Variants in NID1 observed in about 807,000 individuals in gnomAD.
NID1 encodes nidogen-1.
Under a neutral mutation model 130.6 loss-of-function variants are expected in NID1, and 76 were observed. The ratio of observed to expected loss-of-function variants is 0.58; its 90% confidence interval spans 0.48 to 0.70. NID1 has a LOEUF of 0.70. Among genes scored for constraint, NID1 ranks in the 30% least tolerant of loss-of-function variants. The probability of loss-of-function intolerance (pLI) is 0.00; values close to 1 mark genes in which losing one functional copy is unlikely to be tolerated. For missense variants in NID1, 1,517 were observed against 1,664.8 expected (o/e 0.91, Z 1.54); for synonymous variants, 665 against 675.1 (o/e 0.98, Z 0.23).
At chr1:236,013,342 C>T (rs1658486921) in intron 11 of NID1, 69 bp downstream of exon 11, 1 of 1,551,692 alleles carries the variant, frequency 6.4e-7, no homozygotes. Flanking sequence ...TGGTGATTGG[C>T]ACATGACAGG....
At chr1:235,990,863 A>C in intron 14 of NID1, 23 bp downstream of exon 14, 1 of 1,613,194 alleles carries the variant, frequency 6.2e-7, no homozygotes, top group Non-Finnish European at 8.5e-7. Context: ...AGCTGTCACC[A>C]GGTATAATCA....
At chr1:236,015,809 G>A (rs563829834) in intron 10 of NID1, among the ~76,000 whole-genome samples, 5 of 152,068 alleles carry the variant, frequency 3.3e-5, no homozygotes, top group South Asian at 2.1e-4. Flanking sequence ...TTTTACAGAC[G>A]AGGAACTGAG....
chr1:236,048,053 G>T (rs1487214174), intron 2 of NID1, among the ~76,000 whole-genome samples: 14 of 130,422 alleles, frequency 1.1e-4, no homozygotes, highest in African/African-American at 3.9e-4. Flanking sequence ...AAAAAAAAAG[G>T]CCGGGCATGG....
chr1:236,034,551 T>C (rs1241652469), intron 5 of NID1, among the ~76,000 whole-genome samples: 1 of 152,122 alleles, frequency 6.6e-6, no homozygotes, highest in African/African-American at 2.4e-5. Context: ...AGGTCATGTA[T>C]TGTACGATTC....
chr1:236,050,174 G>A (rs1029470072), intron 1 of NID1, among the ~76,000 whole-genome samples: 6 of 152,166 alleles, frequency 3.9e-5, no homozygotes, highest in South Asian at 2.1e-4. Context: ...CACGGAGTCC[G>A]ACTCCAAAAT....
chr1:236,004,781 A>AAAG (rs1382595520), intron 12 of NID1, among the ~76,000 whole-genome samples: 1 of 151,010 alleles, frequency 6.6e-6, no homozygotes, highest in Non-Finnish European at 1.5e-5. Flanking sequence ...AAAAAAAAAA[A>AAAG]AGTTAAAAAC....
chr1:236,045,763 A>T, intron 2 of NID1, 80 bp from the exon 3 acceptor site: 1 of 1,143,378 alleles, frequency 8.7e-7, no homozygotes, highest in Non-Finnish European at 1.3e-6. Context: ...GACTATCTAT[A>T]AAGCGTACAG....
At chr1:235,994,709 T>TG (rs1236097697) in intron 12 of NID1, among the ~76,000 whole-genome samples, 4 of 151,782 alleles carry the variant, frequency 2.6e-5, no homozygotes, top group Admixed American at 2.6e-4. Flanking sequence ...TCTTTTTTTT[T>TG]TTTTTGAGAC....
At chr1:236,042,318 A>G (rs762015014) in intron 3 of NID1, 26 bp from the exon 4 acceptor site, 4 of 1,586,792 alleles carry the variant, frequency 2.5e-6, no homozygotes, top group Non-Finnish European at 3.4e-6. Flanking sequence ...GGCTTCTTAG[A>G]AACAGGCCAG....
Position 236,017,263 on chromosome 1 carries a change from T to G in NID1, c.2139A>C (p.Glu713Asp), listed in dbSNP as rs370422402. Residue 713 changes from glutamate (E) to aspartate (D), a missense_variant, in exon 10 of 20, where the codon GAA becomes GAC. This residue lies in a region of NID1 where 1,329 missense variants were observed against 1,429.2 expected (regional missense o/e 0.93). Coordinates refer to ENST00000264187, the MANE Select transcript of NID1 (RefSeq NM_002508.3). ...GDGRTCYDID[E>D]CSEQPSVCGS... is the part of the protein sequence containing the mutation. Reference sequence around the variant, plus strand: ...CACACACTGAGGGTTGTTCTGAACATTCATCAATATCTGCAGCAAAAATTT... The same window carrying G: ...CACACACTGAGGGTTGTTCTGAACAGTCATCAATATCTGCAGCAAAAATTT... 6 of 1,613,952 alleles carry G rather than the reference T, an allele frequency of 3.7e-6. No homozygotes were observed. In the African/African-American group the frequency reaches 8.0e-5, roughly 22 times the overall value.
intron 12 of NID1, among the ~76,000 whole-genome samples, chr1:236,004,016 G>C (rs546369758): frequency 1.5e-4 from 20 of 132,770 alleles, no homozygotes; most frequent in African/African-American, 5.2e-4. Flanking sequence ...CTGAATGACA[G>C]AGTGAGACTC....
intron 12 of NID1, among the ~76,000 whole-genome samples, chr1:236,008,324 C>T (rs1304964534): frequency 6.6e-6 from 1 of 152,152 alleles, no homozygotes; most frequent in African/African-American, 2.4e-5. Context: ...TAGCCATGAT[C>T]TTCACTGGCT....
chr1:236,011,082 A>G (rs191000657), intron 12 of NID1, among the ~76,000 whole-genome samples: 4 of 152,282 alleles, frequency 2.6e-5, no homozygotes, highest in Admixed American at 1.3e-4. Context: ...CAGGTCCTCA[A>G]TGAGCTCACA....
At chr1:236,012,294 C>T (rs1185868163) in intron 11 of NID1, among the ~76,000 whole-genome samples, 8 of 152,110 alleles carry the variant, frequency 5.3e-5, no homozygotes, top group African/African-American at 9.7e-5. Context: ...CCGTGGCTCA[C>T]GCCTGTAATC....
chr1:236,045,863 A>G (rs1659587088), intron 2 of NID1, among the ~76,000 whole-genome samples, 180 bp from the exon 3 acceptor site: 1 of 152,246 alleles, frequency 6.6e-6, no homozygotes, highest in Non-Finnish European at 1.5e-5. Context: ...TTCCACTGAA[A>G]TATCCCTAAG....
Position 236,017,193 on chromosome 1 carries a change from C to A in NID1, c.2209G>T (p.Glu737Ter). ...CNNHPGTFRC[E>*]CVEGYQFSDE... is the part of the protein sequence containing the mutation. ...GAAAACTGGTAGCCCTCCACACACT[C>A]GCAGCGGAAGGTTCCTGGGTGATTA... Residue 737 changes from glutamate to a stop codon, truncating the protein, a stop_gained, in exon 10 of 20, where the codon GAG (glutamate) becomes TAG (stop). Transcript: ENST00000264187. LOFTEE classifies it high-confidence loss of function. The A allele has an allele frequency of 6.2e-7, 1 of 1,614,146 alleles. No individual in the cohort carries two copies. Among genetic ancestry groups the A allele is most frequent in the Non-Finnish European group, 8.5e-7 (1 of 1,180,014 alleles).
chr1:236,033,777 C>T (rs1258978003), intron 5 of NID1, among the ~76,000 whole-genome samples: 4 of 152,248 alleles, frequency 2.6e-5, no homozygotes, highest in Middle Eastern at 3.4e-3. Context: ...TCAGGGCAAA[C>T]GTGGTGAATT....
rs78998965 is a variant in NID1, at chr1:236,030,496, G to C, written c.1538-746C>G. Among the ~76,000 whole-genome samples, 141 of 152,188 alleles carry C rather than the reference G, an allele frequency of 9.3e-4. No individual in the cohort carries two copies. The East Asian group carries it at 0.025, about 27-fold the overall frequency. ...AAAAATCAAAAGAACAGTATTTCAT[G>C]GTATGTGAAAATTATATACAATTTA... is the stretch of plus-strand genomic sequence containing the variant. On this transcript the variant is annotated intron_variant, in intron 6 of 19. Coordinates refer to ENST00000264187, the MANE Select transcript of NID1 (RefSeq NM_002508.3).
At chr1:235,987,269 C>G (rs528164357) in intron 14 of NID1, among the ~76,000 whole-genome samples, 1 of 152,332 alleles carries the variant, frequency 6.6e-6, no homozygotes, top group Non-Finnish European at 1.5e-5. Context: ...AGAAAGAACA[C>G]TGAGTTGCTT....
Sources: gnomAD v4.1 joint callset for allele counts (sites outside exome capture counted in the v4.1 genomes callset) on GRCh38, gnomAD v4.1.1 for gene constraint, gnomAD v4.1.1 regional missense constraint, MANE v1.5 for transcripts, NCBI Gene and HGNC (gene_info 2026-07-23, HGNC 2026-07-21) for gene names.